ASXL3: variants seen among roughly 807,000 people sequenced by gnomAD.
ASXL3 encodes the protein ASXL transcriptional regulator 3.
ASXL3 carries 34 observed loss-of-function variants against 170.6 expected under a neutral mutation model. The ratio of observed to expected loss-of-function variants is 0.20; its 90% CI spans 0.15 to 0.27. ASXL3 has a LOEUF of 0.27. Among genes scored for constraint, ASXL3 ranks in the 10% least tolerant of loss-of-function variants. The pLI is 1.00. For missense variants in ASXL3, 2,592 were observed against 2,695.3 expected (o/e 0.96, Z 0.85); for synonymous variants, 1,002 against 989.1 (o/e 1.01, Z -0.24).
chr18:33,693,626 T>G (rs1444828576), intron 8 of ASXL3, among the ~76,000 whole-genome samples: 1 of 152,130 alleles, frequency 6.6e-6, no homozygotes, highest in East Asian at 1.9e-4. Context: ...AGATTCATCC[T>G]GCAGAAAAAA....
chr18:33,725,285 A>G (rs1320851325), intron 8 of ASXL3, among the ~76,000 whole-genome samples: 1 of 152,156 alleles, frequency 6.6e-6, no homozygotes, highest in African/African-American at 2.4e-5. Flanking sequence ...CAGCTAATGT[A>G]CTATACTGCA....
intron 5 of ASXL3, among the ~76,000 whole-genome samples, chr18:33,662,787 A>G (rs1409248790): frequency 1.3e-5 from 2 of 152,162 alleles, no homozygotes; most frequent in Non-Finnish European, 2.9e-5. Flanking sequence ...CTAGCGATAT[A>G]TTTATCACAA....
At position 33,662,482 on chromosome 18, in the gene ASXL3, A is replaced by G. The variant is rs559663349; in HGVS notation, c.477+745A>G. 2.6e-5 allele frequency among the ~76,000 whole-genome samples: 4 copies of G among 152,314 alleles called. No individual in the cohort carries two copies. The South Asian group carries it at 8.3e-4, about 32-fold the overall frequency. Reference sequence around the variant, plus strand: ...TTAGCTGAGGTAATAGGATGAAAGCACATGGTAGAGTGAGTGGCTCATAGA... The same window carrying G: ...TTAGCTGAGGTAATAGGATGAAAGCGCATGGTAGAGTGAGTGGCTCATAGA... On this transcript the variant is annotated intron_variant, in intron 5 of 11. Transcript: ENST00000269197.
chr18:33,708,907 A>G (rs928818470), intron 8 of ASXL3, among the ~76,000 whole-genome samples: 2 of 152,196 alleles, frequency 1.3e-5, no homozygotes, highest in Admixed American at 6.5e-5. Context: ...TCAATCAGTT[A>G]TATTATGATT....
Position 33,743,126 on chromosome 18 carries a change from G to A in ASXL3, c.3278G>A (p.Gly1093Asp). ...VSGAMGSPGE[G>D]GKTRTLAHIK... ...GGAGCCATGGGAAGTCCAGGAGAGG[G>A]TGGAAAGACGAGAACTCTGGCACAC... Residue 1093 changes from glycine to aspartate, a missense_variant, in exon 12 of 12, where the codon GGT (glycine) becomes GAT (aspartate). By Grantham distance (94) the Gly-to-Asp change is moderately conservative (BLOSUM62 -1). Around this residue, in one of 4 missense-constraint regions of ASXL3, gnomAD observed 2,246 missense variants for 2,219.6 expected, o/e 1.01. Transcript: ENST00000269197. 6.2e-7 allele frequency: 1 copy of A among 1,613,862 alleles called. No homozygotes were observed. The highest frequency in any genetic ancestry group is 8.5e-7 in the Non-Finnish European group (1 of 1,179,884).
intron 5 of ASXL3, among the ~76,000 whole-genome samples, chr18:33,663,954 T>C (rs555011725): frequency 6.6e-6 from 1 of 152,190 alleles, no homozygotes; most frequent in African/African-American, 2.4e-5. Context: ...TATTTCCATA[T>C]ACATATGATC....
chr18:33,694,525 G>T (rs2066740561), intron 8 of ASXL3, among the ~76,000 whole-genome samples: 1 of 151,542 alleles, frequency 6.6e-6, no homozygotes, highest in South Asian at 2.1e-4. Flanking sequence ...CCTCTATTTG[G>T]TGCTATCAGG....
At chr18:33,661,905 A>T (rs1221565409) in intron 5 of ASXL3, among the ~76,000 whole-genome samples, 168 bp downstream of exon 5, 1 of 151,992 alleles carries the variant, frequency 6.6e-6, no homozygotes, top group Non-Finnish European at 1.5e-5. Context: ...GATAAAAAAA[A>T]ACTAGGAGAG....
chr18:33,587,780 A>AT (rs2065046540), intron 1 of ASXL3, among the ~76,000 whole-genome samples: 1 of 151,930 alleles, frequency 6.6e-6, no homozygotes, highest in Non-Finnish European at 1.5e-5. Flanking sequence ...TAAAAAAAAA[A>AT]GGAGAAACTT....
At position 33,732,157 on chromosome 18, in the gene ASXL3, G is replaced by A. The variant is rs550081271; in HGVS notation, c.976+93G>A. The A allele has an allele frequency of 1.7e-5, 15 of 899,074 alleles. No homozygotes were observed. The Admixed American group carries it at 1.9e-4, about 12-fold the overall frequency. The allele number at this position is 899,074 out of a possible 1,614,324, so 55.7% of individuals were successfully genotyped here. A position where few individuals can be genotyped will look rare whatever the true frequency, so the allele number is the denominator to read the frequency against. ...TCTCTGATTTTTCAGTCTTTTCCCC[G>A]ACACAGTACACTTTAATTTAGTAAA... is the stretch of plus-strand genomic sequence containing the variant. On this transcript the variant is annotated intron_variant, in intron 9 of 11. Coordinates refer to ENST00000269197, the MANE Select transcript of ASXL3 (RefSeq NM_030632.3).
intron 2 of ASXL3, among the ~76,000 whole-genome samples, chr18:33,643,053 G>A (rs1450765530): frequency 1.3e-5 from 2 of 151,656 alleles, no homozygotes; most frequent in Admixed American, 1.3e-4. Context: ...TTTATGTATT[G>A]GATTCTATTT....
At position 33,610,668 on chromosome 18, in the gene ASXL3, C is replaced by T. The variant is rs192105872; in HGVS notation, c.137+2992C>T. Among the ~76,000 whole-genome samples the T allele has an allele frequency of 4.9e-3, 739 of 152,124 alleles. 4 individuals carry two copies. Among genetic ancestry groups the T allele is most frequent in the Admixed American group, 0.012 (182 of 15,242 alleles). ...GGTACCTAACACTCCTGGCTCTCGG[C>T]AGATACTCAATAAACAGTTGTTTAG... On this transcript the variant is annotated intron_variant, in intron 2 of 11. Coordinates refer to ENST00000269197, the MANE Select transcript of ASXL3 (RefSeq NM_030632.3).
At position 33,700,592 on chromosome 18, in the gene ASXL3, A is replaced by G. The variant is rs151291372; in HGVS notation, c.879+17024A>G. ...CAACTGAAAGAGAATGAAGTTTGAA[A>G]TAGCAACTGAAAAGTGAGAAAGTGA... On this transcript the variant is annotated intron_variant, in intron 8 of 11. Transcript: ENST00000269197. Among the ~76,000 whole-genome samples the G allele has an allele frequency of 1.7e-3, 264 of 152,230 alleles. 1 individual carries two copies. Among genetic ancestry groups the G allele is most frequent in the African/African-American group, 6.3e-3 (261 of 41,542 alleles).
At chr18:33,668,034 C>A (rs937707800) in intron 5 of ASXL3, among the ~76,000 whole-genome samples, 4 of 152,194 alleles carry the variant, frequency 2.6e-5, no homozygotes, top group African/African-American at 9.7e-5. Context: ...TGCACTACTA[C>A]CTCTGTTTTG....
At chr18:33,632,428 C>T (rs1568291518) in intron 2 of ASXL3, among the ~76,000 whole-genome samples, 1 of 152,142 alleles carries the variant, frequency 6.6e-6, no homozygotes, top group African/African-American at 2.4e-5. Flanking sequence ...CTGAACACCA[C>T]CATTAACTCT....
rs760578782 is a variant in ASXL3 at position 33,746,544 on chromosome 18, C to T, written c.6696C>T (p.Asp2232=). ...AAGGCTGTGGGGCCTTCTGCCATGACGACTGCATAGGTCCTTCAAAACTTT... is the reference window on the plus strand; with the variant it reads ...AAGGCTGTGGGGCCTTCTGCCATGATGACTGCATAGGTCCTTCAAAACTTT... The part of the protein sequence containing the change: ...VCKGCGAFCH[D]DCIGPSKLCV... Residue 2232 remains aspartate, a synonymous_variant, in exon 12 of 12, where the codon GAC becomes GAT. Transcript: ENST00000269197. 9 of 1,610,504 alleles carry T rather than the reference C, an allele frequency of 5.6e-6. No homozygotes were observed. In the Admixed American group the frequency reaches 8.3e-5, roughly 15 times the overall value.
At chr18:33,593,021 C>T (rs2065091317) in intron 1 of ASXL3, among the ~76,000 whole-genome samples, 2 of 151,886 alleles carry the variant, frequency 1.3e-5, no homozygotes, top group Non-Finnish European at 2.9e-5. Context: ...AGTTTTTTAA[C>T]CAGAGAGAGT....
intron 1 of ASXL3, among the ~76,000 whole-genome samples, chr18:33,582,693 G>A (rs952060078): frequency 1.4e-5 from 2 of 146,544 alleles, no homozygotes. Flanking sequence ...TCAGTTTGTT[G>A]GTTGGTTTTT....
rs2067507073 is a variant in ASXL3, at chr18:33,734,212, G to T, written c.977-98G>T. The T allele has an allele frequency of 1.3e-5, 9 of 699,660 alleles. No homozygotes were observed. In the East Asian group the frequency reaches 2.7e-4, roughly 21 times the overall value. 43.3% of individuals were successfully genotyped at this position (699,660 alleles called of 1,614,324 possible). On this transcript the variant is annotated intron_variant, in intron 9 of 11. Transcript: ENST00000269197. Reference sequence around the variant, plus strand: ...CATTATTTGTCCTTGTACTTTTCAAGATCCATAAAAGTTTACTCAAATGAA... The same window carrying T: ...CATTATTTGTCCTTGTACTTTTCAATATCCATAAAAGTTTACTCAAATGAA...
Sources: allele counts gnomAD v4.1 joint callset (sites outside exome capture counted in the v4.1 genomes callset), GRCh38; gene constraint gnomAD v4.1.1; regional missense constraint gnomAD v4.1.1; transcripts MANE v1.5; gene names NCBI Gene and HGNC (gene_info 2026-07-23, HGNC 2026-07-21).